Variants in RIGI observed in about 807,000 individuals in gnomAD.
RIGI encodes the protein RNA sensor RIG-I.
At chr9:32,491,554 C>T in the RIGI span, 1 of 636,236 alleles carries the variant, frequency 1.6e-6, no homozygotes, top group Non-Finnish European at 2.6e-6. Context: ...CTCCCCTTCA[C>T]CTTTTAAAAC....
chr9:32,491,431 C>A, the RIGI span: 1 of 1,586,210 alleles, frequency 6.3e-7, no homozygotes, highest in Non-Finnish European at 8.6e-7. Context: ...CTTTTTAAGA[C>A]CAAAAAAGTC....
chr9:32,484,790 CT>C, the RIGI span, among the ~76,000 whole-genome samples: 12 of 152,156 alleles, frequency 7.9e-5, no homozygotes, highest in Admixed American at 4.6e-4. Flanking sequence ...AGTCGCACTC[CT>C]TTAATGCTGG....
chr9:32,481,588 CTTT>C, the RIGI span: 7 of 756,896 alleles, frequency 9.2e-6, no homozygotes, highest in Non-Finnish European at 1.1e-5. Context: ...TTTTCTTTTT[CTTT>C]TTTTTTTTCC....
At chr9:32,517,196 C>T in the RIGI span, among the ~76,000 whole-genome samples, 1 of 152,128 alleles carries the variant, frequency 6.6e-6, no homozygotes, top group African/African-American at 2.4e-5. Context: ...AATCTAGCTT[C>T]TAAAAATCAA....
the RIGI span, chr9:32,488,178 C>T: frequency 6.2e-7 from 1 of 1,614,038 alleles, no homozygotes; most frequent in Non-Finnish European, 8.5e-7. Context: ...TCAGCTGTTG[C>T]TCCAGAAATG....
chr9:32,525,983 T>G, the RIGI span: 1 of 1,146,688 alleles, frequency 8.7e-7, no homozygotes, highest in African/African-American at 1.5e-5. Context: ...CTGCATTGAT[T>G]AAAAGAAGGG....
chr9:32,485,531 CTTT>C, the RIGI span: 2,815 of 315,484 alleles, frequency 8.9e-3, no homozygotes, highest in Middle Eastern at 0.018. Context: ...TAACTAGCTT[CTTT>C]TTTTTTTTTT....
the RIGI span, among the ~76,000 whole-genome samples, chr9:32,473,997 C>CG: frequency 6.6e-6 from 1 of 152,078 alleles, no homozygotes; most frequent in Admixed American, 6.5e-5. Flanking sequence ...CACTGCACTC[C>CG]GGCCTGGGTG....
At chr9:32,463,889 C>CTTTTTTTTTTTTTTTTTTTATTATACTCT in the RIGI span, among the ~76,000 whole-genome samples, 48 of 135,874 alleles carry the variant, frequency 3.5e-4, 3 homozygotes, top group African/African-American at 1.1e-3. Flanking sequence ...ATTCTGATTT[C>CTTTTTTTTTTTTTTTTTTTATTATACTCT]AAATAAACCT....
the RIGI span, among the ~76,000 whole-genome samples, chr9:32,524,061 T>C: frequency 1.3e-5 from 2 of 152,246 alleles, no homozygotes; most frequent in East Asian, 1.9e-4. Context: ...ATGCCAAATA[T>C]CTGGGAAGCT....
chr9:32,514,096 G>C, the RIGI span, among the ~76,000 whole-genome samples: 1 of 152,334 alleles, frequency 6.6e-6, no homozygotes, highest in African/African-American at 2.4e-5. Context: ...AGAGGATGTG[G>C]AGAAACAGGA....
chr9:32,471,598 A>G, the RIGI span, among the ~76,000 whole-genome samples: 1 of 152,368 alleles, frequency 6.6e-6, no homozygotes, highest in Admixed American at 6.5e-5. Flanking sequence ...TGGAAGAAGG[A>G]GCTCTCTACC....
chr9:32,483,770 C>G, the RIGI span, among the ~76,000 whole-genome samples: 1 of 151,918 alleles, frequency 6.6e-6, no homozygotes, highest in South Asian at 2.1e-4. Flanking sequence ...GCTTTTGCTT[C>G]TCATTTCTGG....
chr9:32,525,909 G>C, the RIGI span: 1 of 688,016 alleles, frequency 1.5e-6, no homozygotes, highest in Non-Finnish European at 2.6e-6. Flanking sequence ...CTCAAACTCT[G>C]GCAACCTCTA....
chr9:32,502,749 C>A, the RIGI span, among the ~76,000 whole-genome samples: 13 of 152,204 alleles, frequency 8.5e-5, no homozygotes, highest in African/African-American at 2.9e-4. Context: ...CTTGTGACAA[C>A]ACTCCCTCCA....
At chr9:32,515,417 C>T in the RIGI span, among the ~76,000 whole-genome samples, 1 of 151,828 alleles carries the variant, frequency 6.6e-6, no homozygotes. Flanking sequence ...GTATTCCCTT[C>T]TCAATAAACT....
At chr9:32,504,038 A>ACACACACACACACACACACACAC in the RIGI span, among the ~76,000 whole-genome samples, 2 of 135,666 alleles carry the variant, frequency 1.5e-5, no homozygotes, top group African/African-American at 5.6e-5. Context: ...CAAGACTCCA[A>ACACACACACACACACACACACAC]ACACACACAC....
the RIGI span, among the ~76,000 whole-genome samples, chr9:32,465,673 C>T: frequency 1.7e-4 from 26 of 152,300 alleles, no homozygotes; most frequent in African/African-American, 4.3e-4. Flanking sequence ...GGGATTTGAA[C>T]CATGGATTCT....
At chr9:32,466,241 C>G in the RIGI span, 12 of 1,591,956 alleles carry the variant, frequency 7.5e-6, no homozygotes, top group Middle Eastern at 1.7e-4. Context: ...TCCTCACATT[C>G]CCTGATAGTT....
Sources: allele counts gnomAD v4.1 joint callset (sites outside exome capture counted in the v4.1 genomes callset), GRCh38; gene constraint gnomAD v4.1.1; transcripts MANE v1.5; gene names NCBI Gene and HGNC (gene_info 2026-07-23, HGNC 2026-07-21).